SLC24A2: variants seen among roughly 807,000 people sequenced by gnomAD.
SLC24A2 encodes the protein sodium/potassium/calcium exchanger 2.
Under a neutral mutation model 62.0 loss-of-function variants are expected in SLC24A2, and 36 were observed. That is an observed-to-expected ratio of 0.58 (90% confidence interval 0.44 to 0.77). The LOEUF is 0.77. Ranked by LOEUF, SLC24A2 falls within the 30% of genes least tolerant of loss-of-function variation. The probability of loss-of-function intolerance (pLI) is 0.00; values close to 1 mark genes in which losing one functional copy is unlikely to be tolerated. For synonymous variants in SLC24A2, 358 were observed against 294.0 expected (o/e 1.22, Z -2.23); for missense variants, 846 against 817.9 (o/e 1.03, Z -0.42).
chr9:20,227,224 G>A, the SLC24A2 span, among the ~76,000 whole-genome samples: 1 of 152,056 alleles, frequency 6.6e-6, no homozygotes, highest in African/African-American at 2.4e-5. Context: ...TGTTGACTCT[G>A]CTGCTGGAGT....
At chr9:19,730,034 T>A (rs181509633) in intron 2 of SLC24A2, among the ~76,000 whole-genome samples, 3 of 151,840 alleles carry the variant, frequency 2.0e-5, no homozygotes, top group African/African-American at 4.8e-5. Context: ...TAAAAAAAAA[T>A]AGAAAAGTAC....
At chr9:19,740,601 T>C (rs912346923) in intron 2 of SLC24A2, among the ~76,000 whole-genome samples, 9 of 152,304 alleles carry the variant, frequency 5.9e-5, no homozygotes, top group African/African-American at 1.7e-4. Flanking sequence ...GTCTGTAATT[T>C]CTATTTCCCA....
chr9:20,074,637 C>T, the SLC24A2 span, among the ~76,000 whole-genome samples: 9 of 15,874 alleles, frequency 5.7e-4, no homozygotes, highest in Admixed American at 2.1e-3. Flanking sequence ...GAGGGAGGGA[C>T]GGGAAGGGGG....
At chr9:19,963,737 G>A in the SLC24A2 span, among the ~76,000 whole-genome samples, 1 of 151,992 alleles carries the variant, frequency 6.6e-6, no homozygotes, top group Non-Finnish European at 1.5e-5. Flanking sequence ...TGGAGAGGAT[G>A]TGGAGAAATA....
chr9:20,093,899 T>G, the SLC24A2 span, among the ~76,000 whole-genome samples: 1 of 152,220 alleles, frequency 6.6e-6, no homozygotes, highest in Non-Finnish European at 1.5e-5. Context: ...ATGCATTACC[T>G]GTTTGTATCT....
At chr9:20,244,436 C>G in the SLC24A2 span, among the ~76,000 whole-genome samples, 5 of 152,164 alleles carry the variant, frequency 3.3e-5, no homozygotes, top group Non-Finnish European at 5.9e-5. Flanking sequence ...CCAGGCCAGG[C>G]AGAGGACCCG....
At chr9:20,216,455 C>T in the SLC24A2 span, among the ~76,000 whole-genome samples, 2 of 152,132 alleles carry the variant, frequency 1.3e-5, no homozygotes, top group Non-Finnish European at 2.9e-5. Flanking sequence ...TCTAGGACCC[C>T]ATTAGGTAAT....
chr9:20,036,148 C>G, the SLC24A2 span, among the ~76,000 whole-genome samples: 2 of 152,072 alleles, frequency 1.3e-5, no homozygotes, highest in Non-Finnish European at 2.9e-5. Flanking sequence ...ACCTCCCAAG[C>G]GGCAATAACA....
At position 19,634,393 on chromosome 9, in the gene SLC24A2, A is replaced by G. The variant is rs565789760; in HGVS notation, c.931-12094T>C. Among the ~76,000 whole-genome samples the G allele has an allele frequency of 4.0e-5, 6 of 150,898 alleles. No individual in the cohort carries two copies. In the East Asian group the frequency reaches 1.2e-3, roughly 30 times the overall value. ...AAACTCCACCTCCCGGTTTCAAGCA[A>G]TTCTCCTGCCTCAGCCTCCTGAGTA... On this transcript the variant is annotated intron_variant, in intron 2 of 10. Transcript: ENST00000341998.
the SLC24A2 span, among the ~76,000 whole-genome samples, chr9:20,095,274 A>G: frequency 6.6e-6 from 1 of 152,246 alleles, no homozygotes; most frequent in Non-Finnish European, 1.5e-5. Context: ...ACATTGATAA[A>G]GATAATCTAT....
At chr9:19,618,331 G>C (rs1271480291) in intron 4 of SLC24A2, among the ~76,000 whole-genome samples, 2 of 152,114 alleles carry the variant, frequency 1.3e-5, no homozygotes, top group Non-Finnish European at 2.9e-5. Flanking sequence ...CCTCCGTGTA[G>C]ATAGAGTAAT....
the SLC24A2 span, among the ~76,000 whole-genome samples, chr9:19,939,491 G>A: frequency 1.3e-5 from 2 of 152,142 alleles, no homozygotes; most frequent in East Asian, 1.9e-4. Context: ...TTAAAAAATG[G>A]CACAGCTGTA....
intron 7 of SLC24A2, among the ~76,000 whole-genome samples, chr9:19,558,463 C>T (rs1054903604): frequency 4.6e-5 from 7 of 152,130 alleles, no homozygotes; most frequent in Admixed American, 6.5e-5. Context: ...TGCACTATGG[C>T]CAAAATGAGG....
chr9:19,930,026 T>C, the SLC24A2 span: 1 of 152,210 alleles, frequency 6.6e-6, no homozygotes, highest in Non-Finnish European at 1.5e-5. Context: ...AGTCAAAATT[T>C]TAAAAATTAC....
chr9:19,847,743 C>G, the SLC24A2 span, among the ~76,000 whole-genome samples: 1 of 152,156 alleles, frequency 6.6e-6, no homozygotes, highest in Non-Finnish European at 1.5e-5. Flanking sequence ...ATTTTTTCTT[C>G]AGACCAGTAA....
chr9:19,940,880 G>C, the SLC24A2 span, among the ~76,000 whole-genome samples: 1 of 152,154 alleles, frequency 6.6e-6, no homozygotes, highest in Non-Finnish European at 1.5e-5. Context: ...AATGGGAAAG[G>C]CTCTCTCATT....
At chr9:19,881,025 G>T in the SLC24A2 span, among the ~76,000 whole-genome samples, 2 of 152,124 alleles carry the variant, frequency 1.3e-5, no homozygotes, top group African/African-American at 4.8e-5. Flanking sequence ...CTGAGTTGAG[G>T]ATCATAATAG....
chr9:20,257,692 C>T, the SLC24A2 span, among the ~76,000 whole-genome samples: 1 of 152,174 alleles, frequency 6.6e-6, no homozygotes, highest in Non-Finnish European at 1.5e-5. Flanking sequence ...TTTCTTTCTT[C>T]CTCATCTGTA....
the SLC24A2 span, among the ~76,000 whole-genome samples, chr9:19,853,805 T>A: frequency 3.3e-5 from 5 of 152,248 alleles, no homozygotes; most frequent in Non-Finnish European, 7.3e-5. Context: ...GGTATCAGGA[T>A]GATGCTGGTC....
Sources: gnomAD v4.1 joint callset for allele counts (sites outside exome capture counted in the v4.1 genomes callset) on GRCh38, gnomAD v4.1.1 for gene constraint, MANE v1.5 for transcripts, NCBI Gene and HGNC (gene_info 2026-07-23, HGNC 2026-07-21) for gene names.